Variants in BACH2 observed in about 807,000 individuals in gnomAD.
BACH2 encodes the protein transcription regulator protein BACH2.
Under a neutral mutation model 61.8 loss-of-function variants are expected in BACH2, and 5 were observed. That is an observed-to-expected ratio of 0.08 (90% confidence interval 0.04 to 0.17). The LOEUF (loss-of-function observed/expected upper bound fraction) is 0.17, where lower values mean the gene tolerates loss of function less well. Ranked by LOEUF, BACH2 falls within the 10% of genes least tolerant of loss-of-function variation. The pLI, the probability that BACH2 is intolerant of heterozygous loss-of-function variation, is 1.00. For synonymous variants in BACH2, 446 were observed against 440.1 expected (o/e 1.01, Z -0.17); for missense variants, 824 against 1,091.1 (o/e 0.76, Z 3.45).
At chr6:90,011,644 A>G (rs2127781714) in intron 5 of BACH2, among the ~76,000 whole-genome samples, 1 of 152,190 alleles carries the variant, frequency 6.6e-6, no homozygotes, top group Middle Eastern at 3.4e-3. Context: ...TGGCTAATTT[A>G]AAAATATTTT....
At chr6:90,049,672 A>G (rs1198991714) in intron 5 of BACH2, among the ~76,000 whole-genome samples, 2 of 152,182 alleles carry the variant, frequency 1.3e-5, no homozygotes, top group Non-Finnish European at 2.9e-5. Flanking sequence ...CCATATACTC[A>G]CCATAGAACA....
In BACH2 at chr6:90,045,241, A is replaced by G. The variant is rs192497252; in HGVS notation, c.-12-36385T>C. 7.2e-5 allele frequency among the ~76,000 whole-genome samples: 11 copies of G among 152,324 alleles called. No individual in the cohort carries two copies. In the East Asian group the frequency reaches 1.9e-3, roughly 27 times the overall value. On this transcript the variant is annotated intron_variant, in intron 5 of 8. Transcript: ENST00000257749. ...GAAAAGCCTGCATCCTAAATTATTG[A>G]GGACAAAGCAGACCGCATGACTCTG... is the stretch of plus-strand genomic sequence containing the variant.
At chr6:90,287,022 A>T (rs951910227) in intron 1 of BACH2, among the ~76,000 whole-genome samples, 1 of 152,178 alleles carries the variant, frequency 6.6e-6, no homozygotes, top group Non-Finnish European at 1.5e-5. Context: ...AGGACTCTTC[A>T]TCATACCCAG....
chr6:90,100,708 C>CACATACACACACACACAA (rs879484053), intron 4 of BACH2, among the ~76,000 whole-genome samples: 1 of 143,218 alleles, frequency 7.0e-6, no homozygotes, highest in Non-Finnish European at 1.5e-5. Context: ...CACAGACACA[C>CACATACACACACACACAA]ACACACACAC....
intron 1 of BACH2, among the ~76,000 whole-genome samples, chr6:90,290,512 C>T (rs1455699148): frequency 1.3e-5 from 2 of 152,210 alleles, no homozygotes; most frequent in East Asian, 3.8e-4. Context: ...TTTCTGGACA[C>T]TTGGCCCATT....
At chr6:90,267,668 A>C (rs1031870213) in intron 2 of BACH2, among the ~76,000 whole-genome samples, 3 of 152,200 alleles carry the variant, frequency 2.0e-5, no homozygotes, top group African/African-American at 7.2e-5. Flanking sequence ...TGAATAAACT[A>C]TGGTACAACG....
intron 6 of BACH2, among the ~76,000 whole-genome samples, chr6:89,977,625 T>C (rs1775723892): frequency 6.6e-6 from 1 of 152,222 alleles, no homozygotes; most frequent in African/African-American, 2.4e-5. Flanking sequence ...GTCTTACAAA[T>C]AGGATTATTT....
intron 6 of BACH2, among the ~76,000 whole-genome samples, chr6:89,984,459 G>C (rs1215472596): frequency 6.6e-6 from 1 of 152,032 alleles, no homozygotes; most frequent in African/African-American, 2.4e-5. Context: ...AGGCTGGACA[G>C]ATGCTTAGGG....
intron 4 of BACH2, among the ~76,000 whole-genome samples, chr6:90,202,284 T>C (rs1302582762): frequency 2.0e-5 from 3 of 152,238 alleles, no homozygotes; most frequent in Non-Finnish European, 4.4e-5. Context: ...GGAGGTGCAA[T>C]GAAAGAAAAA....
At chr6:90,171,247 C>A (rs1767801151) in intron 4 of BACH2, among the ~76,000 whole-genome samples, 1 of 151,804 alleles carries the variant, frequency 6.6e-6, no homozygotes. Context: ...CCCGTCTCTA[C>A]TAAAAATACA....
rs529597191 is a variant in BACH2, at chr6:90,262,187, T to A, written c.-352-9597A>T. On this transcript the variant is annotated intron_variant, in intron 2 of 8. Transcript: ENST00000257749. ...CCTTCTCCATGTTCCCAAACTCTCA[T>A]TATATGAAGTTATTTGAAATTCATA... 2.6e-5 allele frequency among the ~76,000 whole-genome samples: 4 copies of A among 152,320 alleles called. No individual in the cohort carries two copies. In the East Asian group the frequency reaches 5.8e-4, roughly 22 times the overall value.
At chr6:90,221,764 G>T (rs1214782862) in intron 3 of BACH2, among the ~76,000 whole-genome samples, 3 of 152,096 alleles carry the variant, frequency 2.0e-5, no homozygotes, top group Admixed American at 2.0e-4. Flanking sequence ...GGACATTTCA[G>T]AAAGAAGAAA....
chr6:89,958,603 G>C (rs1261441228), intron 6 of BACH2, among the ~76,000 whole-genome samples: 2 of 152,142 alleles, frequency 1.3e-5, no homozygotes, highest in South Asian at 2.1e-4. Flanking sequence ...CAAGTGACTG[G>C]GGAGACAGAT....
At chr6:90,292,744 G>A (rs989346853) in intron 1 of BACH2, among the ~76,000 whole-genome samples, 2 of 152,248 alleles carry the variant, frequency 1.3e-5, no homozygotes, top group South Asian at 4.1e-4. Flanking sequence ...AGTCTGTTCA[G>A]TAGTGGGAGA....
intron 4 of BACH2, among the ~76,000 whole-genome samples, chr6:90,115,207 T>C (rs150893744): frequency 0.012 from 1,786 of 152,180 alleles, 26 homozygotes; most frequent in Non-Finnish European, 0.015. Flanking sequence ...AGAGCCCAAA[T>C]AGCCAATGCA....
At chr6:90,146,066 T>C (rs1209864279) in intron 4 of BACH2, among the ~76,000 whole-genome samples, 1 of 152,264 alleles carries the variant, frequency 6.6e-6, no homozygotes, top group Non-Finnish European at 1.5e-5. Context: ...CTTATGTGCA[T>C]GTGCACAGAA....
chr6:90,180,102 G>A (rs60763303), intron 4 of BACH2, among the ~76,000 whole-genome samples: 1 of 152,050 alleles, frequency 6.6e-6, no homozygotes, highest in African/African-American at 2.4e-5. Context: ...AAGTCTTAGT[G>A]CATTTTAAAC....
At chr6:90,118,656 C>A (rs1192177025) in intron 4 of BACH2, among the ~76,000 whole-genome samples, 1 of 152,132 alleles carries the variant, frequency 6.6e-6, no homozygotes, top group South Asian at 2.1e-4. Flanking sequence ...AATGAAAATG[C>A]CTTAGTCATG....
chr6:90,274,244 A>G (rs1300267936), intron 1 of BACH2, among the ~76,000 whole-genome samples: 3 of 152,348 alleles, frequency 2.0e-5, no homozygotes, highest in South Asian at 2.1e-4. Context: ...ATGAGAGAAT[A>G]TATTAGCTAC....
Sources: allele counts gnomAD v4.1 joint callset (sites outside exome capture counted in the v4.1 genomes callset), GRCh38; gene constraint gnomAD v4.1.1; transcripts MANE v1.5; gene names NCBI Gene and HGNC (gene_info 2026-07-23, HGNC 2026-07-21).